Variants in VEGFC observed in about 807,000 individuals in gnomAD.
The protein encoded by VEGFC is vascular endothelial growth factor C, also known as FLT4 ligand DHM.
Under a neutral mutation model 46.1 loss-of-function variants are expected in VEGFC, and 12 were observed. That is an observed-to-expected ratio of 0.26 (90% CI 0.17 to 0.42). The LOEUF is 0.42. VEGFC is among the 10% of genes least tolerant of loss of function. The pLI, the probability that VEGFC is intolerant of heterozygous loss-of-function variation, is 1.00. For missense variants in VEGFC, 488 were observed against 529.4 expected, an observed-to-expected ratio of 0.92 and a Z score of 0.77; for synonymous variants, 232 against 195.5, an observed-to-expected ratio of 1.19 and a Z score of -1.56.
intron 1 of VEGFC, among the ~76,000 whole-genome samples, chr4:176,746,211 G>A (rs1000178029): frequency 6.6e-6 from 1 of 152,050 alleles, no homozygotes. Flanking sequence ...CTCAGTCTGT[G>A]CTACCTTTCT....
intron 1 of VEGFC, among the ~76,000 whole-genome samples, chr4:176,766,691 C>A (rs1735631782): frequency 6.6e-6 from 1 of 151,654 alleles, no homozygotes; most frequent in Non-Finnish European, 1.5e-5. Flanking sequence ...AAACAGAGTC[C>A]AGAAAGAAAC....
intron 1 of VEGFC, among the ~76,000 whole-genome samples, chr4:176,762,468 GACC>G (rs753883250): frequency 3.3e-4 from 51 of 152,258 alleles, no homozygotes; most frequent in Admixed American, 7.2e-4. Flanking sequence ...CCAGGCTCCT[GACC>G]TGCCAGCAAC....
intron 1 of VEGFC, among the ~76,000 whole-genome samples, chr4:176,758,263 A>C (rs73009531): frequency 0.054 from 8,177 of 152,212 alleles, 416 homozygotes; most frequent in African/African-American, 0.12. Context: ...ATATTTCCTC[A>C]GTTTTGAAGA....
At chr4:176,684,106 G>T in intron 6 of VEGFC, 66 bp from the exon 7 acceptor site, 1 of 1,143,986 alleles carries the variant, frequency 8.7e-7, no homozygotes, top group Non-Finnish European at 1.3e-6. Context: ...ATGCTACCAA[G>T]GTATTTCTGT....
At chr4:176,721,819 G>C (rs929433503) in intron 3 of VEGFC, among the ~76,000 whole-genome samples, 1 of 152,124 alleles carries the variant, frequency 6.6e-6, no homozygotes, top group Non-Finnish European at 1.5e-5. Flanking sequence ...ACAAGGTTGA[G>C]TGGACAGTAT....
chr4:176,780,386 A>AAAAAAAAAAAAAAAAAC (rs1553997814), intron 1 of VEGFC, among the ~76,000 whole-genome samples: 2 of 144,356 alleles, frequency 1.4e-5, no homozygotes, highest in South Asian at 2.3e-4. Context: ...CATCTCAAAA[A>AAAAAAAAAAAAAAAAAC]AAAAAAAAAA....
chr4:176,757,603 CAA>C (rs11315898), intron 1 of VEGFC, among the ~76,000 whole-genome samples: 7,599 of 148,446 alleles, frequency 0.051, 584 homozygotes, highest in African/African-American at 0.17. Flanking sequence ...AGAACATCAG[CAA>C]AAAAAAAAAA....
At chr4:176,762,814 C>T (rs1735554260) in intron 1 of VEGFC, among the ~76,000 whole-genome samples, 3 of 152,168 alleles carry the variant, frequency 2.0e-5, no homozygotes, top group African/African-American at 7.2e-5. Flanking sequence ...AACAGTTGCT[C>T]CAGCTGGTGA....
intron 1 of VEGFC, among the ~76,000 whole-genome samples, chr4:176,763,901 G>A (rs144642048): frequency 8.4e-4 from 128 of 151,866 alleles, no homozygotes; most frequent in African/African-American, 2.9e-3. Context: ...TCAATGGAAC[G>A]GTATCTCAAA....
At chr4:176,733,333 T>C (rs1734998819) in intron 1 of VEGFC, among the ~76,000 whole-genome samples, 1 of 151,994 alleles carries the variant, frequency 6.6e-6, no homozygotes, top group Non-Finnish European at 1.5e-5. Context: ...GGTTTACTCA[T>C]AATAATGAAA....
chr4:176,723,869 G>A lies in VEGFC; in HGVS notation c.552+3909C>T, dbSNP rs184798759. Among the ~76,000 whole-genome samples the A allele has an allele frequency of 1.9e-4, 28 of 148,746 alleles. No individual in the cohort carries two copies. The East Asian group carries it at 4.0e-3, about 21-fold the overall frequency. ...TTTTAGGTTTGGGGGTCCATGTGCA[G>A]GTTTGTTACATAGGTAAACTTTTAT... is the stretch of plus-strand genomic sequence containing the variant. On this transcript the variant is annotated intron_variant, in intron 3 of 6. Transcript: ENST00000618562.
intron 1 of VEGFC, among the ~76,000 whole-genome samples, chr4:176,747,715 G>A (rs554954000): frequency 6.6e-6 from 1 of 152,122 alleles, no homozygotes; most frequent in South Asian, 2.1e-4. Flanking sequence ...GATCCCTTGA[G>A]CCCAGGTTCA....
chr4:176,730,832 T>C (rs2111019629), intron 1 of VEGFC, among the ~76,000 whole-genome samples: 1 of 152,270 alleles, frequency 6.6e-6, no homozygotes, highest in African/African-American at 2.4e-5. Context: ...TTTTTAATAA[T>C]CGAAGTTATT....
intron 4 of VEGFC, among the ~76,000 whole-genome samples, chr4:176,697,296 C>CA (rs1483111946): frequency 1.3e-5 from 2 of 148,500 alleles, no homozygotes; most frequent in Non-Finnish European, 3.0e-5. Flanking sequence ...AAGAAAAAAA[C>CA]AAACAACCCC....
rs1169944894 is a variant in VEGFC, at chr4:176,684,046, A to G, written c.1146-6T>C. 1 of 1,590,970 alleles carries G rather than the reference A, an allele frequency of 6.3e-7. No individual in the cohort carries two copies. The highest frequency in any genetic ancestry group is 2.2e-5 in the East Asian group (1 of 44,772). ...TACATGGCCGTCTGTAACAGCTAGG[A>G]GAACAAACAAGAACACACTTACGTT... is the stretch of plus-strand genomic sequence containing the variant. On this transcript the variant is annotated splice_polypyrimidine_tract_variant and splice_region_variant and intron_variant, in intron 6 of 6. Transcript: ENST00000618562.
At chr4:176,782,234 A>C (rs1025925190) in intron 1 of VEGFC, among the ~76,000 whole-genome samples, 4 of 152,220 alleles carry the variant, frequency 2.6e-5, no homozygotes, top group Admixed American at 2.6e-4. Context: ...TGGGAGGCCA[A>C]GGCAGATCAC....
intron 3 of VEGFC, among the ~76,000 whole-genome samples, chr4:176,715,272 A>C (rs910945797): frequency 6.6e-6 from 1 of 152,154 alleles, no homozygotes; most frequent in African/African-American, 2.4e-5. Flanking sequence ...AAAGTTAAAA[A>C]ATTTTGTTCT....
intron 1 of VEGFC, among the ~76,000 whole-genome samples, chr4:176,780,324 G>T (rs1340828426): frequency 7.6e-6 from 1 of 131,654 alleles, no homozygotes; most frequent in Non-Finnish European, 1.6e-5. Context: ...GGAGGTTGCA[G>T]TGAGCCGAGA....
chr4:176,738,785 A>G (rs1465770909), intron 1 of VEGFC, among the ~76,000 whole-genome samples: 1 of 151,962 alleles, frequency 6.6e-6, no homozygotes, highest in African/African-American at 2.4e-5. Flanking sequence ...ATGGGAGAAA[A>G]CTTCTGCAAT....
Sources: allele counts gnomAD v4.1 joint callset (sites outside exome capture counted in the v4.1 genomes callset), GRCh38; gene constraint gnomAD v4.1.1; transcripts MANE v1.5; gene names NCBI Gene and HGNC (gene_info 2026-07-23, HGNC 2026-07-21).